The following LHFPL3 variants were observed in gnomAD, a reference collection of about 807,000 sequenced individuals.
The protein encoded by LHFPL3 is LHFPL tetraspan subfamily member 3 protein.
In LHFPL3, 5 loss-of-function variants were observed where a neutral mutation model predicts 19.3. The observed-to-expected ratio is 0.26, with a 90% CI of 0.14 to 0.54. LHFPL3 has a LOEUF of 0.54. Among genes scored for constraint, LHFPL3 ranks in the 20% least tolerant of loss-of-function variants. The pLI is 0.94. For missense variants in LHFPL3, 249 were observed against 307.4 expected, an observed-to-expected ratio of 0.81 and a Z score of 1.42; for synonymous variants, 133 against 126.2, an observed-to-expected ratio of 1.05 and a Z score of -0.36.
At chr7:104,603,128 TTC>T (rs1390508533) in intron 1 of LHFPL3, among the ~76,000 whole-genome samples, 90 of 136,326 alleles carry the variant, frequency 6.6e-4, no homozygotes, top group African/African-American at 2.3e-3. Flanking sequence ...CTTTCTTTCT[TTC>T]TTTTTTCCCT....
intron 2 of LHFPL3, among the ~76,000 whole-genome samples, chr7:104,815,031 C>T (rs1790538596): frequency 6.6e-6 from 1 of 152,146 alleles, no homozygotes; most frequent in Non-Finnish European, 1.5e-5. Context: ...GCAGGAGGCC[C>T]AGGTCTGCAG....
At chr7:104,567,464 CT>C (rs1790146123) in intron 1 of LHFPL3, among the ~76,000 whole-genome samples, 1 of 152,120 alleles carries the variant, frequency 6.6e-6, no homozygotes, top group African/African-American at 2.4e-5. Context: ...TACTGGCATC[CT>C]CAAAGCTGGT....
intron 1 of LHFPL3, among the ~76,000 whole-genome samples, chr7:104,697,310 A>C (rs1793015827): frequency 6.6e-6 from 1 of 152,238 alleles, no homozygotes; most frequent in South Asian, 2.1e-4. Context: ...GTAACTTCTG[A>C]GCAAAGATTT....
At chr7:104,825,553 G>C (rs1790801029) in intron 2 of LHFPL3, among the ~76,000 whole-genome samples, 1 of 151,884 alleles carries the variant, frequency 6.6e-6, no homozygotes, top group South Asian at 2.1e-4. Context: ...GAATGTGCAT[G>C]TTCCAGGATT....
intron 1 of LHFPL3, among the ~76,000 whole-genome samples, chr7:104,453,499 G>T (rs1319996886): frequency 6.6e-6 from 1 of 152,110 alleles, no homozygotes; most frequent in African/African-American, 2.4e-5. Flanking sequence ...TTCCTGGGTT[G>T]TAGAAAATTT....
intron 2 of LHFPL3, among the ~76,000 whole-genome samples, chr7:104,781,192 A>G (rs77566440): frequency 0.021 from 3,182 of 152,188 alleles, 108 homozygotes; most frequent in African/African-American, 0.073. Context: ...CTACTGTCCC[A>G]CCCAGTGGCT....
chr7:104,419,126 G>A (rs1791679832), intron 1 of LHFPL3, among the ~76,000 whole-genome samples: 1 of 152,194 alleles, frequency 6.6e-6, no homozygotes, highest in African/African-American at 2.4e-5. Flanking sequence ...TTTGGTTGTA[G>A]TTTGGAACGT....
chr7:104,534,994 T>C (rs950391128), intron 1 of LHFPL3, among the ~76,000 whole-genome samples: 5 of 152,154 alleles, frequency 3.3e-5, no homozygotes, highest in Non-Finnish European at 7.4e-5. Flanking sequence ...GGGCATAAAA[T>C]ATGGGGAGAG....
intron 2 of LHFPL3, among the ~76,000 whole-genome samples, chr7:104,830,083 G>T (rs1790921326): frequency 6.6e-6 from 1 of 151,958 alleles, no homozygotes; most frequent in South Asian, 2.1e-4. Context: ...GATGGCCAGT[G>T]ATGATGAGCA....
At chr7:104,740,216 C>A (rs948866252) in intron 2 of LHFPL3, among the ~76,000 whole-genome samples, 1 of 152,208 alleles carries the variant, frequency 6.6e-6, no homozygotes, top group African/African-American at 2.4e-5. Context: ...GTCAATTAAA[C>A]CTCTTTCCTT....
At chr7:104,774,524 A>C (rs547838714) in intron 2 of LHFPL3, among the ~76,000 whole-genome samples, 9 of 152,310 alleles carry the variant, frequency 5.9e-5, no homozygotes, top group African/African-American at 1.7e-4. Context: ...ATACACCTTC[A>C]TTCCAGTAAT....
intron 2 of LHFPL3, among the ~76,000 whole-genome samples, chr7:104,853,958 G>A (rs567479235): frequency 2.0e-5 from 3 of 152,284 alleles, no homozygotes; most frequent in African/African-American, 7.2e-5. Flanking sequence ...AAACTTAAAA[G>A]TAAAAAGCAA....
At position 104,834,729 on chromosome 7, in the gene LHFPL3, G is replaced by A. The variant is rs567308749; in HGVS notation, c.683-71458G>A. Among the ~76,000 whole-genome samples, 7 of 152,016 alleles carry A rather than the reference G, an allele frequency of 4.6e-5. No homozygotes were observed. The East Asian group carries it at 1.4e-3, about 29-fold the overall frequency. On this transcript the variant is annotated intron_variant, in intron 2 of 2. Coordinates refer to ENST00000424859, the MANE Select transcript of LHFPL3 (RefSeq NM_199000.3). ...CATGTGTGCACAATCCATTCAGCAT[G>A]GCCCATGCAGGTCCTGCAGGCGGAG...
At chr7:104,397,547 C>A (rs76127677) in intron 1 of LHFPL3, among the ~76,000 whole-genome samples, 291 of 152,256 alleles carry the variant, frequency 1.9e-3, no homozygotes, top group African/African-American at 6.6e-3. Context: ...ACTTCATATA[C>A]TTTACCCCTA....
chr7:104,738,015 A>G (rs1793861824), intron 2 of LHFPL3, among the ~76,000 whole-genome samples: 1 of 152,086 alleles, frequency 6.6e-6, no homozygotes, highest in African/African-American at 2.4e-5. Context: ...GTAAACTATG[A>G]CATAGAAATA....
intron 1 of LHFPL3, among the ~76,000 whole-genome samples, chr7:104,623,634 A>G (rs913645014): frequency 8.6e-6 from 1 of 115,896 alleles, no homozygotes; most frequent in Non-Finnish European, 2.0e-5. Context: ...TCTGTCTCAA[A>G]AAACAAACAA....
intron 1 of LHFPL3, among the ~76,000 whole-genome samples, chr7:104,533,927 C>A (rs149507573): frequency 6.6e-6 from 1 of 152,178 alleles, no homozygotes; most frequent in South Asian, 2.1e-4. Flanking sequence ...GGCTTCCCTC[C>A]GCTGGTAAAG....
chr7:104,836,380 T>A (rs1164151689), intron 2 of LHFPL3, among the ~76,000 whole-genome samples: 3 of 152,210 alleles, frequency 2.0e-5, no homozygotes, highest in African/African-American at 7.2e-5. Flanking sequence ...ACTCCGTGGC[T>A]GTCTTGTTGC....
At chr7:104,864,677 C>G (rs1481011883) in intron 2 of LHFPL3, among the ~76,000 whole-genome samples, 1 of 152,188 alleles carries the variant, frequency 6.6e-6, no homozygotes, top group Non-Finnish European at 1.5e-5. Flanking sequence ...CAGGCCATTG[C>G]CAAACAAAAG....
Sources: gnomAD v4.1 joint callset for allele counts (sites outside exome capture counted in the v4.1 genomes callset) on GRCh38, gnomAD v4.1.1 for gene constraint, MANE v1.5 for transcripts, NCBI Gene and HGNC (gene_info 2026-07-23, HGNC 2026-07-21) for gene names.